The following SMG6 variants were observed in gnomAD, a reference collection of about 807,000 sequenced individuals.
SMG6 encodes the protein SMG6 nonsense mediated mRNA decay factor, also known as telomerase-binding protein EST1A.
In SMG6, 66 loss-of-function variants were observed where a neutral mutation model predicts 142.2. The ratio of observed to expected loss-of-function variants is 0.46; its 90% CI spans 0.38 to 0.57. The LOEUF (loss-of-function observed/expected upper bound fraction) is 0.57. SMG6 is among the 20% of genes least tolerant of loss of function. SMG6 has a pLI of 0.00. For missense variants in SMG6, 1,793 were observed against 1,832.0 expected (o/e 0.98, Z 0.39); for synonymous variants, 779 against 702.4 (o/e 1.11, Z -1.72).
chr17:2,133,239 A>G (rs971272175), intron 13 of SMG6, among the ~76,000 whole-genome samples: 1 of 152,080 alleles, frequency 6.6e-6, no homozygotes, highest in African/African-American at 2.4e-5. Context: ...ACGAGACTCC[A>G]TCTGGGGGGG....
chr17:2,068,937 G>C lies in SMG6; in HGVS notation c.3682-6C>G. The C allele has an allele frequency of 6.2e-7, 1 of 1,613,652 alleles. No homozygotes were observed. Among genetic ancestry groups the C allele is most frequent in the Non-Finnish European group, 8.5e-7 (1 of 1,179,674 alleles). On this transcript the variant is annotated splice_polypyrimidine_tract_variant and splice_region_variant and intron_variant, in intron 15 of 18. Transcript: ENST00000263073. This position sits in a 1 kb window ranked among gnomAD's most constrained non-coding sequence, Gnocchi z 6.7. The stretch of plus-strand genomic sequence containing the variant: ...CTGTGGTCCTCCAGGACAGCCTATG[G>C]GGACAGAGTGGTGAATGAGCCAGAC...
chr17:2,116,314 A>G (rs1056473195), intron 13 of SMG6, among the ~76,000 whole-genome samples: 1 of 152,112 alleles, frequency 6.6e-6, no homozygotes, highest in East Asian at 1.9e-4. Context: ...CCTGGCCTCA[A>G]GGGATCCTCC....
At chr17:2,214,156 C>G (rs561245524) in intron 10 of SMG6, 2 of 152,252 alleles carry the variant, frequency 1.3e-5, no homozygotes. Flanking sequence ...TTGTTCTCAA[C>G]AGCTCCACGA....
chr17:2,275,064 G>A (rs970188398), intron 8 of SMG6, among the ~76,000 whole-genome samples: 2 of 151,776 alleles, frequency 1.3e-5, no homozygotes, highest in African/African-American at 4.8e-5. Context: ...AATTATGTAG[G>A]TTCCTATCTT....
chr17:2,127,087 C>T (rs1327932001), intron 13 of SMG6, among the ~76,000 whole-genome samples: 7 of 141,770 alleles, frequency 4.9e-5, no homozygotes, highest in African/African-American at 8.0e-5. Flanking sequence ...TGCAGTGAGC[C>T]GTAATGGTGA....
intron 13 of SMG6, chr17:2,087,434 A>C (rs2068594715): frequency 8.4e-7 from 1 of 1,185,548 alleles, no homozygotes; most frequent in Non-Finnish European, 1.1e-6. Context: ...GCTTTCCTAC[A>C]CGGTCTAGGA....
chr17:2,111,330 T>C (rs575678231), intron 13 of SMG6, among the ~76,000 whole-genome samples: 3 of 151,906 alleles, frequency 2.0e-5, no homozygotes, highest in African/African-American at 7.3e-5. Context: ...TATAAGATGG[T>C]GAATAGAAGA....
At chr17:2,096,434 C>G (rs1457226754) in intron 13 of SMG6, among the ~76,000 whole-genome samples, 1 of 152,228 alleles carries the variant, frequency 6.6e-6, no homozygotes. Context: ...GCCTCGAACT[C>G]CTGACCTCAG....
chr17:2,194,536 G>A (rs2072258695), intron 10 of SMG6, among the ~76,000 whole-genome samples: 1 of 151,602 alleles, frequency 6.6e-6, no homozygotes, highest in African/African-American at 2.4e-5. Flanking sequence ...GCACAGATAT[G>A]AAAATTACCG....
chr17:2,130,251 A>T (rs1464611744), intron 13 of SMG6, among the ~76,000 whole-genome samples: 1 of 108,024 alleles, frequency 9.3e-6, no homozygotes, highest in Non-Finnish European at 1.9e-5. Context: ...TGGGCGACAG[A>T]GCGAGACTCC....
At chr17:2,130,776 G>T (rs888107078) in intron 13 of SMG6, among the ~76,000 whole-genome samples, 1 of 151,510 alleles carries the variant, frequency 6.6e-6, no homozygotes, top group South Asian at 2.1e-4. Context: ...AATAGGCCAG[G>T]CGGGTGGATC....
chr17:2,100,559 C>T (rs1357929974), intron 13 of SMG6, among the ~76,000 whole-genome samples: 6 of 152,154 alleles, frequency 3.9e-5, no homozygotes, highest in Non-Finnish European at 7.3e-5. Context: ...TGAGATAGGA[C>T]CTTAGAATGT....
intron 15 of SMG6, among the ~76,000 whole-genome samples, chr17:2,079,721 T>C (rs904085076): frequency 6.6e-6 from 1 of 152,092 alleles, no homozygotes; most frequent in African/African-American, 2.4e-5. Flanking sequence ...TGACAATGGA[T>C]GATGCTGGTA....
chr17:2,097,372 G>A (rs2068884511), intron 13 of SMG6, among the ~76,000 whole-genome samples: 1 of 152,104 alleles, frequency 6.6e-6, no homozygotes, highest in African/African-American at 2.4e-5. Flanking sequence ...TTGGCCTCAA[G>A]CAATCTGCTT....
chr17:2,239,646 G>A (rs1204100792), intron 9 of SMG6, among the ~76,000 whole-genome samples: 1 of 152,118 alleles, frequency 6.6e-6, no homozygotes, highest in African/African-American at 2.4e-5. Context: ...TCTCTAGGTG[G>A]TAGGAATATG....
chr17:2,130,213 T>C (rs916006252), intron 13 of SMG6, among the ~76,000 whole-genome samples: 8 of 129,180 alleles, frequency 6.2e-5, no homozygotes, highest in Non-Finnish European at 9.3e-5. Context: ...TGAGCCGAGA[T>C]TGCGCCACTG....
chr17:2,157,189 A>G (rs2071034180), intron 13 of SMG6, among the ~76,000 whole-genome samples: 1 of 151,934 alleles, frequency 6.6e-6, no homozygotes. Context: ...TGACACAAAA[A>G]CTCTGGCAAG....
intron 9 of SMG6, among the ~76,000 whole-genome samples, chr17:2,242,712 A>G (rs1338296445): frequency 1.3e-5 from 2 of 151,122 alleles, no homozygotes; most frequent in Admixed American, 6.6e-5. Context: ...AAAAAAAAAA[A>G]AAAAAGAATA....
chr17:2,281,857 C>A lies in SMG6; in HGVS notation c.2661+790G>T, dbSNP rs892433859. ...CTCTCTCTCCCCCAGCCAGCCTCAGCCCTTTGCATATGCTATTTCCTTTGC... is the reference window on the plus strand; with the variant it reads ...CTCTCTCTCCCCCAGCCAGCCTCAGACCTTTGCATATGCTATTTCCTTTGC... On this transcript the variant is annotated intron_variant, in intron 8 of 18. Coordinates refer to ENST00000263073, the MANE Select transcript of SMG6 (RefSeq NM_017575.5). Among the ~76,000 whole-genome samples the A allele has an allele frequency of 4.6e-5, 7 of 152,314 alleles. No homozygotes were observed. In the East Asian group the frequency reaches 1.4e-3, roughly 29 times the overall value.
Sources: allele counts gnomAD v4.1 joint callset (sites outside exome capture counted in the v4.1 genomes callset), GRCh38; gene constraint gnomAD v4.1.1; non-coding constraint Gnocchi (gnomAD v3.1); transcripts MANE v1.5; gene names NCBI Gene and HGNC (gene_info 2026-07-23, HGNC 2026-07-21).